The following SEMA6D variants were observed in gnomAD, a reference collection of about 807,000 sequenced individuals.
SEMA6D encodes semaphorin 6D, also known as semaphorin-6D.
In SEMA6D, 35 loss-of-function variants were observed where a neutral mutation model predicts 106.6. The observed-to-expected ratio is 0.33, with a 90% confidence interval of 0.25 to 0.44. The LOEUF is 0.44. SEMA6D is among the 20% of genes least tolerant of loss of function. The pLI is 1.00. For missense variants in SEMA6D, 1,185 were observed against 1,345.9 expected, an observed-to-expected ratio of 0.88 and a Z score of 1.87; for synonymous variants, 499 against 487.7, an observed-to-expected ratio of 1.02 and a Z score of -0.31.
At chr15:47,534,103 AAAG>A (rs2045072186) in intron 3 of SEMA6D, among the ~76,000 whole-genome samples, 1 of 152,126 alleles carries the variant, frequency 6.6e-6, no homozygotes, top group African/African-American at 2.4e-5. Context: ...ACCTGGAAGG[AAAG>A]AAGGACACTG....
At chr15:47,379,510 C>T (rs2039565777) in intron 1 of SEMA6D, among the ~76,000 whole-genome samples, 1 of 152,030 alleles carries the variant, frequency 6.6e-6, no homozygotes, top group South Asian at 2.1e-4. Flanking sequence ...CTTGGAAGAA[C>T]ATAAAAAGAA....
intron 1 of SEMA6D, among the ~76,000 whole-genome samples, chr15:47,385,392 GGAACTGA>G (rs1425332137): frequency 2.0e-5 from 3 of 152,040 alleles, no homozygotes; most frequent in Non-Finnish European, 4.4e-5. Context: ...CTTTGCTCTG[GGAACTGA>G]GAGTACCGAA....
At position 47,762,875 on chromosome 15, in the gene SEMA6D, T is replaced by A. The variant is rs2082138205; in HGVS notation, c.659-141T>A. The A allele has an allele frequency of 6.6e-6, 4 of 603,532 alleles. No individual in the cohort carries two copies. The Admixed American group carries it at 9.4e-5, about 14-fold the overall frequency. The allele number at this position is 603,532 out of a possible 1,614,324, so 37.4% of individuals were successfully genotyped here. On this transcript the variant is annotated intron_variant, in intron 8 of 18. Transcript: ENST00000536845. ...AGCTTGAACACACCCATATTGGGAC[T>A]CCTCAAAGTCATTGGCAGATTGGAG...
chr15:47,189,987 G>A (rs1308138966), intron 1 of SEMA6D, among the ~76,000 whole-genome samples: 2 of 152,202 alleles, frequency 1.3e-5, no homozygotes, highest in African/African-American at 4.8e-5. Context: ...GTGAACCTCA[G>A]AGGATTATTT....
intron 3 of SEMA6D, among the ~76,000 whole-genome samples, chr15:47,508,789 C>A (rs1424912225): frequency 6.6e-6 from 1 of 152,188 alleles, no homozygotes; most frequent in Non-Finnish European, 1.5e-5. Context: ...ATACTGGCTC[C>A]ATTTCTTACG....
intron 1 of SEMA6D, among the ~76,000 whole-genome samples, chr15:47,323,008 A>G (rs2036984403): frequency 1.3e-5 from 2 of 152,146 alleles, no homozygotes; most frequent in Admixed American, 1.3e-4. Flanking sequence ...CCACCTACCT[A>G]TCCATCTACC....
At chr15:47,728,129 G>A (rs2079881148) in intron 1 of SEMA6D, among the ~76,000 whole-genome samples, 1 of 152,180 alleles carries the variant, frequency 6.6e-6, no homozygotes, top group African/African-American at 2.4e-5. Context: ...ACTGCATTTG[G>A]AAGCAGATGC....
chr15:47,605,769 T>C (rs1014574511), intron 4 of SEMA6D, among the ~76,000 whole-genome samples: 10 of 152,202 alleles, frequency 6.6e-5, no homozygotes, highest in African/African-American at 2.2e-4. Flanking sequence ...ATAGAAGGTA[T>C]GGGGGTTGGA....
intron 3 of SEMA6D, among the ~76,000 whole-genome samples, chr15:47,562,598 A>G (rs1230147071): frequency 1.3e-5 from 2 of 152,104 alleles, no homozygotes; most frequent in South Asian, 2.1e-4. Flanking sequence ...GCACATGACA[A>G]TATGCTCAAT....
At chr15:47,540,330 A>C (rs952233329) in intron 3 of SEMA6D, among the ~76,000 whole-genome samples, 1 of 152,154 alleles carries the variant, frequency 6.6e-6, no homozygotes, top group Non-Finnish European at 1.5e-5. Context: ...CTTTATTTCC[A>C]GGTTTCTATG....
intron 1 of SEMA6D, among the ~76,000 whole-genome samples, chr15:47,331,826 C>CATTATG (rs1177031936): frequency 2.0e-5 from 3 of 152,174 alleles, no homozygotes; most frequent in African/African-American, 7.2e-5. Flanking sequence ...TGAGAAGAGA[C>CATTATG]AGCATAGAAA....
chr15:47,636,467 A>G (rs1808707903), intron 4 of SEMA6D, among the ~76,000 whole-genome samples: 1 of 152,112 alleles, frequency 6.6e-6, no homozygotes, highest in South Asian at 2.1e-4. Flanking sequence ...ACTTTCCAAC[A>G]TGGATGATGG....
intron 3 of SEMA6D, among the ~76,000 whole-genome samples, chr15:47,589,233 G>A (rs1321495120): frequency 6.6e-6 from 1 of 152,140 alleles, no homozygotes; most frequent in Non-Finnish European, 1.5e-5. Flanking sequence ...CCTCCATTCT[G>A]GTGGCAAGAA....
chr15:47,313,267 C>T (rs1181866942), intron 1 of SEMA6D, among the ~76,000 whole-genome samples: 1 of 152,118 alleles, frequency 6.6e-6, no homozygotes, highest in Non-Finnish European at 1.5e-5. Flanking sequence ...CTGTGCTTTG[C>T]CTTTTTATCC....
chr15:47,709,426 T>C (rs916205058), intron 4 of SEMA6D, among the ~76,000 whole-genome samples: 2 of 152,228 alleles, frequency 1.3e-5, no homozygotes, highest in Non-Finnish European at 2.9e-5. Context: ...GCCACGACTC[T>C]AAATGATAAA....
intron 1 of SEMA6D, among the ~76,000 whole-genome samples, chr15:47,410,221 G>A (rs1018372480): frequency 1.3e-5 from 2 of 152,014 alleles, no homozygotes; most frequent in East Asian, 1.9e-4. Context: ...TGGGCTCAAG[G>A]GATCCGCTTG....
chr15:47,288,432 T>A (rs2035461496), intron 1 of SEMA6D, among the ~76,000 whole-genome samples: 1 of 152,182 alleles, frequency 6.6e-6, no homozygotes, highest in South Asian at 2.1e-4. Flanking sequence ...AATATCTCTT[T>A]AAGGTAGATA....
chr15:47,600,814 G>A (rs2076637779), intron 3 of SEMA6D: 1 of 152,060 alleles, frequency 6.6e-6, no homozygotes, highest in African/African-American at 2.4e-5. Context: ...GGTTTTAAAG[G>A]TCAGAAGTAA....
intron 4 of SEMA6D, among the ~76,000 whole-genome samples, chr15:47,708,074 ATTC>A (rs1430703473): frequency 6.6e-6 from 1 of 152,070 alleles, no homozygotes; most frequent in African/African-American, 2.4e-5. Context: ...CTACATTAGC[ATTC>A]TTACGTCTGA....
Sources: allele counts gnomAD v4.1 joint callset (sites outside exome capture counted in the v4.1 genomes callset), GRCh38; gene constraint gnomAD v4.1.1; transcripts MANE v1.5; gene names NCBI Gene and HGNC (gene_info 2026-07-23, HGNC 2026-07-21).